The following MMEL1 variants were observed in gnomAD, a reference collection of about 807,000 sequenced individuals.
MMEL1 encodes membrane metalloendopeptidase like 1.
Under a neutral mutation model 117.1 loss-of-function variants are expected in MMEL1, and 98 were observed. That is an observed-to-expected ratio of 0.84 (90% CI 0.71 to 0.99). The LOEUF (loss-of-function observed/expected upper bound fraction) is 0.99. Ranked by LOEUF, MMEL1 falls within the 50% of genes least tolerant of loss-of-function variation. The probability of loss-of-function intolerance (pLI) is 0.00; values close to 1 mark genes in which losing one functional copy is unlikely to be tolerated. For missense variants in MMEL1, 1,014 were observed against 1,049.1 expected (o/e 0.97, Z 0.46); for synonymous variants, 390 against 415.1 (o/e 0.94, Z 0.74).
chr1:2,604,106 C>A, intron 10 of MMEL1, 41 bp downstream of exon 10: 1 of 1,570,912 alleles, frequency 6.4e-7, no homozygotes, highest in South Asian at 1.2e-5. Flanking sequence ...GGGCTCCCAG[C>A]CCACTCGCTG....
At chr1:2,618,511 C>T (rs945815326) in intron 2 of MMEL1, among the ~76,000 whole-genome samples, 1 of 152,182 alleles carries the variant, frequency 6.6e-6, no homozygotes, top group African/African-American at 2.4e-5. Context: ...TTCTCCATCC[C>T]TCTTTCAGAA....
chr1:2,602,310 T>C (rs907590070), intron 11 of MMEL1, among the ~76,000 whole-genome samples: 3 of 152,138 alleles, frequency 2.0e-5, no homozygotes, highest in African/African-American at 7.2e-5. Context: ...GTGTTCACTC[T>C]GGGGCGATTC....
intron 1 of MMEL1, 40 bp from the exon 2 acceptor site, chr1:2,629,561 A>T: frequency 7.4e-7 from 1 of 1,348,378 alleles, no homozygotes; most frequent in Non-Finnish European, 9.6e-7. Context: ...AGGGGCGTGG[A>T]GCTCCCCGAG....
chr1:2,629,885 C>T (rs753692989), intron 1 of MMEL1: 126 of 172,152 alleles, frequency 7.3e-4, no homozygotes, highest in Non-Finnish European at 9.4e-4. Flanking sequence ...AGGTCAGGGA[C>T]GCTGTCGGGG....
intron 2 of MMEL1, among the ~76,000 whole-genome samples, chr1:2,625,675 T>A (rs1638242693): frequency 6.6e-6 from 1 of 152,218 alleles, no homozygotes; most frequent in Non-Finnish European, 1.5e-5. Flanking sequence ...GATCACCAAG[T>A]CACCATGCGA....
At chr1:2,591,152 G>T in intron 23 of MMEL1, 63 bp from the exon 24 acceptor site, 1 of 1,214,294 alleles carries the variant, frequency 8.2e-7, no homozygotes, top group Non-Finnish European at 1.1e-6. Context: ...GCCATTTTAA[G>T]TTCTCCGTGA....
intron 2 of MMEL1, among the ~76,000 whole-genome samples, chr1:2,615,515 C>T (rs989341132): frequency 6.6e-6 from 1 of 152,072 alleles, no homozygotes; most frequent in Admixed American, 6.6e-5. Context: ...CCAAGAGGAG[C>T]CTGAGAAGAT....
chr1:2,611,166 C>T, intron 4 of MMEL1, 115 bp downstream of exon 4: 2 of 1,085,242 alleles, frequency 1.8e-6, no homozygotes, highest in Non-Finnish European at 2.6e-6. Flanking sequence ...CCCGGCTCCA[C>T]CGCCCGCCGT....
intron 6 of MMEL1, among the ~76,000 whole-genome samples, chr1:2,607,486 G>A (rs1425516603): frequency 2.6e-5 from 4 of 151,846 alleles, no homozygotes; most frequent in Admixed American, 1.3e-4. Flanking sequence ...GGGAGGGGGC[G>A]CGGGGTAGGC....
At chr1:2,629,297 CG>C in intron 2 of MMEL1, 33 bp downstream of exon 2, 1 of 1,509,108 alleles carries the variant, frequency 6.6e-7, no homozygotes. Flanking sequence ...AGAGCGGGCA[CG>C]GGGACAGGCG....
In MMEL1 at chr1:2,605,563, G is replaced by A. The variant is rs755571656; in HGVS notation, c.811C>T (p.Arg271Trp). Residue 271 changes from arginine (R) to tryptophan (W), a missense_variant, in exon 9 of 24, where the codon CGG becomes TGG. Coordinates refer to ENST00000378412, the MANE Select transcript of MMEL1 (RefSeq NM_033467.4). ...TGCGGTGAGGACCCACCCACCTTCC[G>A]GTTGCTGCCGCCGTTGAAGTAGTAC... ...REYYFNGGSNRKVREAYLQFM... is the reference protein window; with the variant it reads ...REYYFNGGSNWKVREAYLQFM... 2.7e-5 allele frequency: 43 copies of A among 1,612,160 alleles called. No homozygotes were observed. The African/African-American group carries it at 4.7e-4, about 18-fold the overall frequency.
chr1:2,592,554 G>A (rs187759598), intron 21 of MMEL1, 101 bp downstream of exon 21: 1 of 81,630 alleles, frequency 1.2e-5, no homozygotes, highest in Non-Finnish European at 1.6e-5. Flanking sequence ...CTCCCCTGCC[G>A]TGCTGGCGCC....
At position 2,595,084 on chromosome 1, in the gene MMEL1, G is replaced by A. The variant is rs141858384; in HGVS notation, c.1585-191C>T. 7.0e-3 allele frequency among the ~76,000 whole-genome samples: 1,072 copies of A among 152,318 alleles called. 12 individuals carry two copies. The highest frequency in any genetic ancestry group is 0.025 in the African/African-American group (1,020 of 41,554). ...TTACATGACTCTGAGCAAGTCCCTC[G>A]TCCCTCCAGGCCTCAGTTTCCCCAT... is the stretch of plus-strand genomic sequence containing the variant. On this transcript the variant is annotated intron_variant, in intron 16 of 23. Transcript: ENST00000378412. This position sits in a 1 kb window ranked among gnomAD's most constrained non-coding sequence, Gnocchi z 4.8.
chr1:2,608,755 CAT>C (rs1446729110), intron 6 of MMEL1, among the ~76,000 whole-genome samples: 1 of 152,122 alleles, frequency 6.6e-6, no homozygotes, highest in Non-Finnish European at 1.5e-5. Context: ...ACGTAACACA[CAT>C]GTGCACACAA....
At chr1:2,611,461 G>T in intron 3 of MMEL1, 121 bp from the exon 4 acceptor site, 1 of 554,406 alleles carries the variant, frequency 1.8e-6, no homozygotes, top group South Asian at 2.4e-5. Context: ...GACTGGGGTG[G>T]GCGGGGCAAG....
chr1:2,630,810 G>A (rs187860150), intron 1 of MMEL1, among the ~76,000 whole-genome samples: 15 of 150,490 alleles, frequency 1.0e-4, no homozygotes, highest in African/African-American at 3.7e-4. Flanking sequence ...GTGTCCTCTC[G>A]TGTGTGCGTG....
In MMEL1 at chr1:2,598,184, C is replaced by T. The variant is rs755448439; in HGVS notation, c.1272+23G>A. ...CTGAATGAATGAGTGCCCGGCCAGG[C>T]TCTGGGCAGGGAAGGGGCTCACCTT... On this transcript the variant is annotated intron_variant, in intron 13 of 23. Coordinates refer to ENST00000378412, the MANE Select transcript of MMEL1 (RefSeq NM_033467.4). 3.1e-6 allele frequency: 5 copies of T among 1,603,564 alleles called. No homozygotes were observed. In the Admixed American group the frequency reaches 6.7e-5, roughly 21 times the overall value.
At chr1:2,598,512 T>C (rs1452699622) in intron 12 of MMEL1, 142 bp downstream of exon 12, 3 of 1,396,236 alleles carry the variant, frequency 2.1e-6, no homozygotes, top group Non-Finnish European at 2.9e-6. Flanking sequence ...CACTGGCCAC[T>C]AAAGCTTAAC....
chr1:2,611,573 A>G (rs2100950137), intron 3 of MMEL1, among the ~76,000 whole-genome samples: 1 of 152,254 alleles, frequency 6.6e-6, no homozygotes, highest in East Asian at 1.9e-4. Context: ...CCCATCTTCC[A>G]TCCCCATGGG....
Sources: allele counts gnomAD v4.1 joint callset (sites outside exome capture counted in the v4.1 genomes callset), GRCh38; gene constraint gnomAD v4.1.1; non-coding constraint Gnocchi (gnomAD v3.1); transcripts MANE v1.5; gene names NCBI Gene and HGNC (gene_info 2026-07-23, HGNC 2026-07-21).